The following ESR1 variants were observed in gnomAD, a reference collection of about 807,000 sequenced individuals.
ESR1 encodes the protein estrogen receptor 1.
ESR1 carries 12 observed loss-of-function variants against 52.7 expected under a neutral mutation model. The observed-to-expected ratio is 0.23, with a 90% CI of 0.15 to 0.37. ESR1 has a LOEUF of 0.37. Among genes scored for constraint, ESR1 ranks in the 10% least tolerant of loss-of-function variants. ESR1 has a pLI of 1.00. For synonymous variants in ESR1, 305 were observed against 316.8 expected (o/e 0.96, Z 0.39); for missense variants, 584 against 779.7 (o/e 0.75, Z 2.99).
intron 6 of ESR1, among the ~76,000 whole-genome samples, chr6:152,078,977 G>A (rs1279689783): frequency 6.6e-6 from 1 of 152,222 alleles, no homozygotes; most frequent in Non-Finnish European, 1.5e-5. Flanking sequence ...AAAGCAGCAG[G>A]GAAGCTTGAA....
At chr6:151,967,467 G>A (rs1388798048) in intron 4 of ESR1, among the ~76,000 whole-genome samples, 1 of 152,154 alleles carries the variant, frequency 6.6e-6, no homozygotes, top group Non-Finnish European at 1.5e-5. Context: ...AGTTTGCTGA[G>A]AATGATGGTT....
intron 1 of ESR1, among the ~76,000 whole-genome samples, chr6:151,813,057 G>A (rs1173782390): frequency 1.3e-5 from 2 of 152,030 alleles, no homozygotes; most frequent in East Asian, 3.8e-4. Context: ...ATTTAAGTGG[G>A]CTGGAGGTTA....
At chr6:152,106,328 T>G (rs150561718), downstream of ESR1, among the ~76,000 whole-genome samples, 99 of 152,356 alleles carry the variant, frequency 6.5e-4, 1 homozygote, top group African/African-American at 2.2e-3. Flanking sequence ...GAAATACTAA[T>G]CTGCGTATTT....
chr6:152,057,735 A>T (rs2047217564), intron 5 of ESR1, among the ~76,000 whole-genome samples: 1 of 151,172 alleles, frequency 6.6e-6, no homozygotes, highest in Non-Finnish European at 1.5e-5. Flanking sequence ...ACACGTGAGA[A>T]CTGAATTGAG....
rs139263905 is a variant in ESR1, at chr6:151,865,092, A to G, written c.644-15563A>G. Among the ~76,000 whole-genome samples the G allele has an allele frequency of 5.9e-5, 9 of 152,254 alleles. No homozygotes were observed. The East Asian group carries it at 1.7e-3, about 29-fold the overall frequency. On this transcript the variant is annotated intron_variant, in intron 2 of 7. Coordinates refer to ENST00000206249, the MANE Select transcript of ESR1 (RefSeq NM_000125.4). ...CCCTAGAACTTAAAGTATAATAAAA[A>G]ATATTTAAAAAATCTACAGTCCCTT... is the stretch of plus-strand genomic sequence containing the variant.
intron 1 of ESR1, among the ~76,000 whole-genome samples, chr6:151,677,422 G>C (rs1486983932): frequency 6.6e-6 from 1 of 152,180 alleles, no homozygotes; most frequent in African/African-American, 2.4e-5. Context: ...ACAGGCCCAT[G>C]GTTCTCTGGG....
intron 5 of ESR1, among the ~76,000 whole-genome samples, chr6:152,038,864 C>T (rs372677082): frequency 2.5e-4 from 38 of 152,240 alleles, no homozygotes; most frequent in African/African-American, 8.7e-4. Flanking sequence ...CTCCTGACCT[C>T]GTGATCCACC....
rs2152507009 is a variant in ESR1, at chr6:152,098,878, A to C, written c.1700A>C (p.His567Pro). 1 of 1,614,210 alleles carries C rather than the reference A, an allele frequency of 6.2e-7. No individual in the cohort carries two copies. The highest frequency in any genetic ancestry group is 8.5e-7 in the Non-Finnish European group (1 of 1,180,034). The change falls in exon 8 of 8, where the codon CAC becomes CCC. Residue 567 changes from histidine to proline, a missense_variant. His to Pro is a moderately conservative substitution (Grantham distance 77). This residue lies in a region of ESR1 where 71 missense variants were observed against 66.1 expected (regional missense o/e 1.07). Coordinates refer to ENST00000206249, the MANE Select transcript of ESR1 (RefSeq NM_000125.4). The surrounding 1 kb of genome is among the most constrained non-coding windows in gnomAD (Gnocchi z 5.1). ...GASVEETDQS[H>P]LATAGSTSSH... Reference sequence around the variant, plus strand: ...TCCGTGGAGGAGACGGACCAAAGCCACTTGGCCACTGCGGGCTCTACTTCA... The same window carrying C: ...TCCGTGGAGGAGACGGACCAAAGCCCCTTGGCCACTGCGGGCTCTACTTCA...
chr6:151,666,727 C>G (rs1298665666), intron 1 of ESR1, among the ~76,000 whole-genome samples: 1 of 148,252 alleles, frequency 6.7e-6, no homozygotes, highest in East Asian at 2.0e-4. Context: ...TCCTCCTCCT[C>G]CTCCTCCTCC....
rs1245905181 is a variant in ESR1 at position 152,011,687 on chromosome 6, C to G, written c.1128C>G (p.Val376=). The G allele has an allele frequency of 6.2e-7, 1 of 1,613,208 alleles. No homozygotes were observed. Among genetic ancestry groups the G allele is most frequent in the Non-Finnish European group, 8.5e-7 (1 of 1,179,508 alleles). ...GFVDLTLHDQ[V]HLLECAWLEI... ...TGGATTTGACCCTCCATGATCAGGT[C>G]CACCTTCTAGAATGTGCCTGGCTAG... The change falls in exon 5 of 8, where the codon GTC becomes GTG. Residue 376 remains valine (V), a synonymous_variant. Coordinates refer to ENST00000206249, the MANE Select transcript of ESR1 (RefSeq NM_000125.4).
chr6:152,122,127 T>C (rs914338079), intron 6 of ESR1: 3 of 416,418 alleles, frequency 7.2e-6, no homozygotes, highest in African/African-American at 6.1e-5. Flanking sequence ...GTGCACAGAA[T>C]GGGCCAAGGG....
At chr6:151,899,557 G>T (rs1384426718) in intron 3 of ESR1, among the ~76,000 whole-genome samples, 1 of 147,336 alleles carries the variant, frequency 6.8e-6, no homozygotes, top group Non-Finnish European at 1.5e-5. Context: ...CGGACGGGGC[G>T]GCTGGCCGGG....
chr6:152,018,124 A>G (rs1170854841), intron 5 of ESR1, among the ~76,000 whole-genome samples: 1 of 152,134 alleles, frequency 6.6e-6, no homozygotes, highest in East Asian at 1.9e-4. Flanking sequence ...TAAAATAGGT[A>G]TAAATTCTCC....
At chr6:151,796,421 A>G (rs1776718498) in intron 2 of ESR1, among the ~76,000 whole-genome samples, 1 of 152,134 alleles carries the variant, frequency 6.6e-6, no homozygotes. Context: ...GAGAGGGAAA[A>G]TTGGTGGGTT....
intron 6 of ESR1, among the ~76,000 whole-genome samples, chr6:152,072,168 A>G (rs2048405563): frequency 6.6e-6 from 1 of 152,196 alleles, no homozygotes; most frequent in African/African-American, 2.4e-5. Context: ...TCCTTTTGAA[A>G]CAAATTATCT....
chr6:152,028,699 G>C (rs1562693377), intron 5 of ESR1, among the ~76,000 whole-genome samples: 1 of 152,244 alleles, frequency 6.6e-6, no homozygotes, highest in African/African-American at 2.4e-5. Flanking sequence ...GCCTGTCTCT[G>C]TAGACTCCAC....
At chr6:151,953,318 G>C (rs945834050) in intron 4 of ESR1, among the ~76,000 whole-genome samples, 12 of 152,164 alleles carry the variant, frequency 7.9e-5, no homozygotes, top group South Asian at 2.1e-4. Flanking sequence ...AGGTTACATC[G>C]TAGTGATGAA....
intron 4 of ESR1, among the ~76,000 whole-genome samples, chr6:151,967,935 G>A (rs1433899129): frequency 6.6e-6 from 1 of 152,106 alleles, no homozygotes; most frequent in African/African-American, 2.4e-5. Context: ...TAATGATCAG[G>A]GATGATCAGC....
intron 5 of ESR1, among the ~76,000 whole-genome samples, chr6:152,047,475 G>C (rs1387482860): frequency 6.6e-6 from 1 of 152,100 alleles, no homozygotes; most frequent in East Asian, 1.9e-4. Context: ...CTTTACTTCA[G>C]GCATTTCAAT....
Sources: allele counts gnomAD v4.1 joint callset (sites outside exome capture counted in the v4.1 genomes callset), GRCh38; gene constraint gnomAD v4.1.1; regional missense constraint gnomAD v4.1.1; non-coding constraint Gnocchi (gnomAD v3.1); transcripts MANE v1.5; gene names NCBI Gene and HGNC (gene_info 2026-07-23, HGNC 2026-07-21).